Variants in CELA3A observed in about 807,000 individuals in gnomAD.
CELA3A encodes chymotrypsin like elastase 3A.
Under a neutral mutation model 38.6 loss-of-function variants are expected in CELA3A, and 35 were observed. That is an observed-to-expected ratio of 0.91 (90% CI 0.69 to 1.20). The LOEUF (loss-of-function observed/expected upper bound fraction) is 1.20. Among genes scored for constraint, CELA3A ranks in the 50% most tolerant of loss-of-function variants. The pLI is 0.00. For missense variants in CELA3A, 343 were observed against 354.2 expected (o/e 0.97, Z 0.25); for synonymous variants, 143 against 136.7 (o/e 1.05, Z -0.32).
chr1:22,011,425 T>C (rs531285966), intron 7 of CELA3A, among the ~76,000 whole-genome samples: 11 of 136,754 alleles, frequency 8.0e-5, no homozygotes, highest in Non-Finnish European at 1.2e-4. Flanking sequence ...TGATGATTTA[T>C]AGACCATTTA....
chr1:22,010,387 G>C lies in CELA3A; in HGVS notation c.795+530G>C, dbSNP rs370681560. On this transcript the variant is annotated intron_variant, in intron 7 of 7. Transcript: ENST00000290122. The stretch of plus-strand genomic sequence containing the variant: ...TAATCCCAGCACTTTGGGAAGCAGA[G>C]GCAGGTGGATCACGAGGTTAGGAGT... 8.8e-4 allele frequency among the ~76,000 whole-genome samples: 133 copies of C among 151,476 alleles called. 4 individuals carry two copies. Among genetic ancestry groups the C allele is most frequent in the Middle Eastern group, 3.4e-3 (1 of 294 alleles).
rs1229536301 is a variant in CELA3A at position 22,009,733 on chromosome 1, C to T, written c.671C>T (p.Pro224Leu). The T allele has an allele frequency of 6.2e-7, 1 of 1,612,194 alleles. No homozygotes were observed. Among genetic ancestry groups the T allele is most frequent in the Non-Finnish European group, 8.5e-7 (1 of 1,179,420 alleles). ...GACTCTGGAGGACCCCTCAACTGCC[C>T]CACAGAGGATGGTGGCTGGCAGGTC... ...NGDSGGPLNC[P>L]TEDGGWQVHG... Residue 224 changes from proline (P) to leucine (L), a missense_variant, in exon 7 of 8, where the codon CCC (proline) becomes CTC (leucine). Physicochemically the swap from Pro to Leu is moderately conservative, Grantham distance 98. Coordinates refer to ENST00000290122, the MANE Select transcript of CELA3A (RefSeq NM_005747.5).
intron 1 of CELA3A, chr1:22,002,664 G>C (rs1193301223): frequency 2.4e-6 from 1 of 408,516 alleles, no homozygotes; most frequent in African/African-American, 2.1e-5. Flanking sequence ...TTTGAACCCA[G>C]GAAGTCCTTC....
rs368712593 is a variant in CELA3A, at chr1:22,007,322, A to T, written c.500-51A>T. 1.4e-5 allele frequency: 22 copies of T among 1,564,932 alleles called. 1 individual carries two copies. The highest frequency in any genetic ancestry group is 1.9e-5 in the Admixed American group (1 of 53,526). ...CTTGAATGCCCCCTTCCTCTGGGGC[A>T]CCTAGCGGTGTGCCCCCAGACCCCT... On this transcript the variant is annotated intron_variant, in intron 5 of 7. Coordinates refer to ENST00000290122, the MANE Select transcript of CELA3A (RefSeq NM_005747.5).
intron 4 of CELA3A, 63 bp downstream of exon 4, chr1:22,005,859 C>T (rs1644947037): frequency 1.9e-6 from 3 of 1,604,444 alleles, no homozygotes; most frequent in South Asian, 2.2e-5. Context: ...TGACCCACAG[C>T]CAAGTCTGAG....
At chr1:22,001,862 G>A (rs2152819024) in intron 1 of CELA3A, 145 bp downstream of exon 1, 3 of 1,183,528 alleles carry the variant, frequency 2.5e-6, no homozygotes, top group East Asian at 2.4e-5. Context: ...CATGACTGTA[G>A]GGGCTTTCAG....
At chr1:22,008,457 T>C (rs1418142297) in intron 6 of CELA3A, among the ~76,000 whole-genome samples, 4 of 145,250 alleles carry the variant, frequency 2.8e-5, no homozygotes, top group Non-Finnish European at 6.1e-5. Flanking sequence ...GCCAAGACCT[T>C]GTCTAAGAAA....
chr1:22,005,907 G>A (rs1644947311), intron 4 of CELA3A, 111 bp downstream of exon 4: 2 of 1,585,816 alleles, frequency 1.3e-6, no homozygotes, highest in Non-Finnish European at 1.7e-6. Context: ...GGGACATAGG[G>A]ACATAGGGAC....
intron 1 of CELA3A, 132 bp downstream of exon 1, chr1:22,001,849 G>C: frequency 1.5e-6 from 2 of 1,299,134 alleles, no homozygotes; most frequent in Non-Finnish European, 2.2e-6. Flanking sequence ...TTGTACCCGG[G>C]GGCATGACTG....
chr1:22,009,696 C>T lies in CELA3A; in HGVS notation c.643-9C>T, dbSNP rs878895222. ...GGCTCAGCCACCCACTCCTCTCTGA[C>T]GGTTCCAGGGTGACTCTGGAGGACC... is the stretch of plus-strand genomic sequence containing the variant. On this transcript the variant is annotated splice_polypyrimidine_tract_variant and intron_variant, in intron 6 of 7. Transcript: ENST00000290122. 28 of 1,610,090 alleles carry T rather than the reference C, an allele frequency of 1.7e-5. No individual in the cohort carries two copies. The highest frequency in any genetic ancestry group is 1.3e-4 in the South Asian group (12 of 90,836).
In CELA3A at chr1:22,004,837, C is replaced by G. The variant is rs369666698; in HGVS notation, c.130-610C>G. Among the ~76,000 whole-genome samples, 31 of 144,756 alleles carry G rather than the reference C, an allele frequency of 2.1e-4. 1 individual carries two copies. The highest frequency in any genetic ancestry group is 7.5e-4 in the African/African-American group (28 of 37,582). 95.0% of individuals were successfully genotyped at this position (144,756 alleles called of 152,430 possible). On this transcript the variant is annotated intron_variant, in intron 2 of 7. Transcript: ENST00000290122. Reference sequence around the variant, plus strand: ...CAGGGGGGCTGGGCGCGGTGGCTCACGCCTGTAATCCCAGCACTTCGGGAG... The same window carrying G: ...CAGGGGGGCTGGGCGCGGTGGCTCAGGCCTGTAATCCCAGCACTTCGGGAG...
Position 22,009,764 on chromosome 1 carries a change from T to C in CELA3A, c.702T>C (p.Gly234=), listed in dbSNP as rs111718190. 7.5e-4 allele frequency: 1,211 copies of C among 1,610,724 alleles called. 14 individuals are homozygous for C. The highest frequency in any genetic ancestry group is 1.1e-3 in the Admixed American group (68 of 59,806). The change falls in exon 7 of 8, where the codon GGT becomes GGC. Residue 234 remains glycine (G), a synonymous_variant. Coordinates refer to ENST00000290122, the MANE Select transcript of CELA3A (RefSeq NM_005747.5). ...AGGATGGTGGCTGGCAGGTCCACGG[T>C]GTGACCAGCTTTGTTTCTGCCTTTG... ...PTEDGGWQVH[G]VTSFVSAFGC...
At chr1:22,008,418 T>C (rs1023075942) in intron 6 of CELA3A, among the ~76,000 whole-genome samples, 2 of 150,812 alleles carry the variant, frequency 1.3e-5, no homozygotes, top group Non-Finnish European at 2.9e-5. Context: ...TCCAAAGTGT[T>C]ATGTTTACAG....
chr1:22,006,830 T>C (rs751838688), intron 4 of CELA3A, 48 bp from the exon 5 acceptor site: 1 of 1,597,522 alleles, frequency 6.3e-7, no homozygotes, highest in Non-Finnish European at 8.5e-7. Flanking sequence ...AAGGTAGGAC[T>C]TGGGCCGGCT....
rs1644984676 is a variant in CELA3A at position 22,011,753 on chromosome 1, C to T, written c.796-697C>T. ...CCAGCCTCGGTGACAGAGCAAGACT[C>T]TGTCTTAAAAAAAAAAAAAGGCCGG... On this transcript the variant is annotated intron_variant, in intron 7 of 7. Transcript: ENST00000290122. Among the ~76,000 whole-genome samples the T allele has an allele frequency of 1.6e-5, 2 of 121,224 alleles. 1 individual carries two copies. Among genetic ancestry groups the T allele is most frequent in the South Asian group, 5.1e-4 (2 of 3,902 alleles). 79.5% of individuals were successfully genotyped at this position (121,224 alleles called of 152,430 possible).
intron 7 of CELA3A, chr1:22,011,162 C>T (rs551090147): frequency 1.3e-5 from 2 of 151,742 alleles, no homozygotes; most frequent in South Asian, 4.1e-4. Flanking sequence ...CATGGATCAC[C>T]TGAGGTCAGG....
At position 22,002,997 on chromosome 1, in the gene CELA3A, C is replaced by T. The variant is rs2152819124; in HGVS notation, c.44-6C>T. ...AGCTGATTGACAGCTCTCCTCTCCC[C>T]TCTAGCCTCAGGCTATGGCCCACCT... On this transcript the variant is annotated splice_region_variant and splice_polypyrimidine_tract_variant and intron_variant, in intron 1 of 7. Coordinates refer to ENST00000290122, the MANE Select transcript of CELA3A (RefSeq NM_005747.5). 6.3e-7 allele frequency: 1 copy of T among 1,579,226 alleles called. No individual in the cohort carries two copies. Among genetic ancestry groups the T allele is most frequent in the Non-Finnish European group, 8.6e-7 (1 of 1,166,712 alleles).
At chr1:22,007,164 A>G (rs1185553394) in intron 5 of CELA3A, 150 bp downstream of exon 5, 1 of 1,383,216 alleles carries the variant, frequency 7.2e-7, no homozygotes, top group Admixed American at 2.4e-5. Context: ...CCTCCAAAAC[A>G]CGAATGTGGT....
rs147679493 is a variant in CELA3A at position 22,007,484 on chromosome 1, G to A, written c.611G>A (p.Cys204Tyr). The change falls in exon 6 of 8, where the codon TGT (cysteine) becomes TAT (tyrosine). Residue 204 changes from cysteine (C) to tyrosine (Y), a missense_variant. Physicochemically the swap from Cys to Tyr is radical, Grantham distance 194. Coordinates refer to ENST00000290122, the MANE Select transcript of CELA3A (RefSeq NM_005747.5). ...TCCACCGTGAAGAAAACCATGGTGT[G>A]TGCTGGAGGGTACATCCGCTCCGGC... ...WGSTVKKTMV[C>Y]AGGYIRSGCN... 2.5e-6 allele frequency: 4 copies of A among 1,611,830 alleles called. 1 individual carries two copies. In the African/African-American group the frequency reaches 5.4e-5, roughly 22 times the overall value.
Sources: allele counts gnomAD v4.1 joint callset (sites outside exome capture counted in the v4.1 genomes callset), GRCh38; gene constraint gnomAD v4.1.1; transcripts MANE v1.5; gene names NCBI Gene and HGNC (gene_info 2026-07-23, HGNC 2026-07-21).